The following NUMA1 variants were observed in gnomAD, a reference collection of about 807,000 sequenced individuals.
NUMA1 encodes nuclear mitotic apparatus protein 1.
NUMA1 carries 62 observed loss-of-function variants against 237.1 expected under a neutral mutation model. The observed-to-expected ratio is 0.26, with a 90% confidence interval of 0.21 to 0.32. The LOEUF (loss-of-function observed/expected upper bound fraction) is 0.32, where lower values mean the gene tolerates loss of function less well. Ranked by LOEUF, NUMA1 falls within the 10% of genes least tolerant of loss-of-function variation. NUMA1 has a pLI of 1.00. For synonymous variants in NUMA1, 1,028 were observed against 1,066.1 expected, an observed-to-expected ratio of 0.96 and a Z score of 0.70; for missense variants, 2,533 against 2,666.5, an observed-to-expected ratio of 0.95 and a Z score of 1.10.
Position 72,017,882 on chromosome 11 carries a change from C to A in NUMA1, c.979-55G>T, listed in dbSNP as rs911554848. The A allele has an allele frequency of 7.6e-5, 120 of 1,571,086 alleles. No homozygotes were observed. In the Middle Eastern group the frequency reaches 8.1e-4, roughly 11 times the overall value. ...CCCAGAGTCAACGCTGACCCCACCACTGCTGTCTGCTCCCAGAACCCCAGG... is the reference window on the plus strand; with the variant it reads ...CCCAGAGTCAACGCTGACCCCACCAATGCTGTCTGCTCCCAGAACCCCAGG... On this transcript the variant is annotated intron_variant, in intron 12 of 26. Coordinates refer to ENST00000393695, the MANE Select transcript of NUMA1 (RefSeq NM_006185.4).
rs1289328942 is a variant in NUMA1, at chr11:72,009,532, C to G, written c.4720-145G>C. 3 of 1,077,554 alleles carry G rather than the reference C, an allele frequency of 2.8e-6. No homozygotes were observed. The African/African-American group carries it at 4.8e-5, about 17-fold the overall frequency. 66.7% of individuals were successfully genotyped at this position (1,077,554 alleles called of 1,614,324 possible). ...AGAAAACCACACCACCCCAAATACTCTCTGCCCGACTACAGTCTACTAAAC... is the reference window on the plus strand; with the variant it reads ...AGAAAACCACACCACCCCAAATACTGTCTGCCCGACTACAGTCTACTAAAC... On this transcript the variant is annotated intron_variant, in intron 17 of 26. Coordinates refer to ENST00000393695, the MANE Select transcript of NUMA1 (RefSeq NM_006185.4).
At chr11:72,033,996 T>C (rs1940680028) in intron 3 of NUMA1, among the ~76,000 whole-genome samples, 2 of 152,308 alleles carry the variant, frequency 1.3e-5, no homozygotes, top group Middle Eastern at 6.8e-3. Context: ...ACCCCTGTGG[T>C]CCTAGCTACT....
chr11:72,013,942 C>T lies in NUMA1; in HGVS notation c.3561G>A (p.Ser1187=), dbSNP rs779956733. The T allele has an allele frequency of 3.8e-5, 61 of 1,613,730 alleles. 1 individual carries two copies. The South Asian group carries it at 4.4e-4, about 12-fold the overall frequency. The change falls in exon 15 of 27, where the codon TCG becomes TCA. Residue 1187 remains serine, a synonymous_variant. Transcript: ENST00000393695. The surrounding 1 kb of genome is among the most constrained non-coding windows in gnomAD (Gnocchi z 6.8). Reference sequence around the variant, plus strand: ...GGAAGGCAGCCAACTCCCGTTGGGCCGAGGCTAAGGCACTCTGACTGTGCC... The same window carrying T: ...GGAAGGCAGCCAACTCCCGTTGGGCTGAGGCTAAGGCACTCTGACTGTGCC... The part of the protein sequence containing the change: ...ELGHSQSALA[S]AQRELAAFRT...
At chr11:72,029,139 G>T in intron 4 of NUMA1, 66 bp downstream of exon 4, 1 of 1,185,684 alleles carries the variant, frequency 8.4e-7, no homozygotes. Context: ...AAGAGAACAA[G>T]TACAGCCCCC....
chr11:72,008,826 T>C lies in NUMA1; in HGVS notation c.5078A>G (p.Gln1693Arg), dbSNP rs1955937399. 2 of 1,614,012 alleles carry C rather than the reference T, an allele frequency of 1.2e-6. No homozygotes were observed. Among genetic ancestry groups the C allele is most frequent in the Non-Finnish European group, 1.7e-6 (2 of 1,180,036 alleles). Residue 1693 changes from glutamine (Q) to arginine (R), a missense_variant, in exon 20 of 27, where the codon CAG (glutamine) becomes CGG (arginine). Coordinates refer to ENST00000393695, the MANE Select transcript of NUMA1 (RefSeq NM_006185.4). Reference sequence around the variant, plus strand: ...CTGGAATTTGCCCAGGTCTCGAAGCTGCTGGTCTGCATGGGCAACCTGAGA... The same window carrying C: ...CTGGAATTTGCCCAGGTCTCGAAGCCGCTGGTCTGCATGGGCAACCTGAGA... The part of the protein sequence containing the change: ...LEAQVAHADQ[Q>R]LRDLGKFQVA...
At position 72,080,260 on chromosome 11, in the gene NUMA1, T is replaced by G. The variant is rs1281011721; in HGVS notation, c.-103+198A>C. On this transcript the variant is annotated intron_variant, in intron 1 of 26. Coordinates refer to ENST00000393695, the MANE Select transcript of NUMA1 (RefSeq NM_006185.4). ...ACGCCCCCAAACAGACCCTCCCCTT[T>G]AAGGCACCCCCCCCCCCCCCGGCTC... 7 of 78,962 alleles carry G rather than the reference T, an allele frequency of 8.9e-5. No homozygotes were observed. In the South Asian group the frequency reaches 3.9e-3, roughly 44 times the overall value. The allele number at this position is 78,962 out of a possible 1,614,324, so 4.9% of individuals were successfully genotyped here.
At chr11:72,054,244 T>A (rs1942515994) in intron 2 of NUMA1, among the ~76,000 whole-genome samples, 1 of 152,050 alleles carries the variant, frequency 6.6e-6, no homozygotes, top group Admixed American at 6.6e-5. Flanking sequence ...GGCAGGTGGA[T>A]CGCTTGAGGC....
At position 72,008,703 on chromosome 11, in the gene NUMA1, G is replaced by A; in HGVS notation, c.5201C>T (p.Pro1734Leu). 6.2e-7 allele frequency: 1 copy of A among 1,614,140 alleles called. No individual in the cohort carries two copies. The highest frequency in any genetic ancestry group is 8.5e-7 in the Non-Finnish European group (1 of 1,180,042). Residue 1734 changes from proline to leucine, a missense_variant, in exon 20 of 27, where the codon CCA becomes CTA. Coordinates refer to ENST00000393695, the MANE Select transcript of NUMA1 (RefSeq NM_006185.4). ...GCCTCCTGACCTGGTGATACTGAGTGGGGTCCCCTCCTCGCAGCTCAGATC... is the reference window on the plus strand; with the variant it reads ...GCCTCCTGACCTGGTGATACTGAGTAGGGTCCCCTCCTCGCAGCTCAGATC... ...SLDLSCEEGT[P>L]LSITSKLPRT...
intron 1 of NUMA1, among the ~76,000 whole-genome samples, chr11:72,072,964 G>A (rs532122265): frequency 4.3e-4 from 65 of 150,546 alleles, no homozygotes; most frequent in East Asian, 4.1e-3. Context: ...GGAGAATGGC[G>A]TGAACCTGGG....
chr11:72,042,883 T>C (rs965569362), intron 2 of NUMA1, among the ~76,000 whole-genome samples: 3 of 151,994 alleles, frequency 2.0e-5, no homozygotes, highest in African/African-American at 7.3e-5. Context: ...TCCCAGCACT[T>C]TGGGTGGACC....
intron 1 of NUMA1, among the ~76,000 whole-genome samples, chr11:72,077,352 T>C (rs1009008934): frequency 1.1e-4 from 16 of 152,028 alleles, no homozygotes; most frequent in African/African-American, 3.6e-4. Context: ...GCAAAGAAGA[T>C]CTTAAAAACA....
At chr11:72,063,954 A>C (rs1266780359) in intron 2 of NUMA1, among the ~76,000 whole-genome samples, 1 of 137,126 alleles carries the variant, frequency 7.3e-6, no homozygotes. Context: ...AAAAAGAATT[A>C]AAAAAAAAAA....
At chr11:72,026,615 C>T (rs1403852791) in intron 4 of NUMA1, among the ~76,000 whole-genome samples, 1 of 152,162 alleles carries the variant, frequency 6.6e-6, no homozygotes, top group African/African-American at 2.4e-5. Flanking sequence ...AGTGGCCAAG[C>T]AGTTAAACCC....
In NUMA1 at chr11:72,003,931, C is replaced by T. The variant is rs771964401; in HGVS notation, c.6292G>A (p.Ala2098Thr). The T allele has an allele frequency of 4.1e-5, 66 of 1,613,048 alleles. 2 individuals are homozygous for T. In the South Asian group the frequency reaches 5.4e-4, roughly 13 times the overall value. Residue 2098 changes from alanine to threonine, a missense_variant, in exon 26 of 27, where the codon GCC (alanine) becomes ACC (threonine). Ala to Thr is a moderately conservative substitution (Grantham distance 58, BLOSUM62 0). Around this residue, in one of 3 missense-constraint regions of NUMA1, gnomAD observed 795 missense variants for 750.8 expected, o/e 1.06. Transcript: ENST00000393695. ...GTGGCACCAATGGCGGCAGCAGTGG[C>T]GGCGCTGGCTGTGGTGGTGGCAATG... is the stretch of plus-strand genomic sequence containing the variant. ...PRIATTTASA[A>T]TAAAIGATPR...
chr11:72,022,266 C>T, intron 7 of NUMA1, 73 bp downstream of exon 7: 1 of 963,002 alleles, frequency 1.0e-6, no homozygotes, highest in Non-Finnish European at 1.6e-6. Flanking sequence ...ATCTGCTGTT[C>T]AAAGAAAAAC....
chr11:72,069,541 G>A (rs1943353744), intron 2 of NUMA1, among the ~76,000 whole-genome samples: 1 of 152,142 alleles, frequency 6.6e-6, no homozygotes, highest in African/African-American at 2.4e-5. Flanking sequence ...TAAAAACCAG[G>A]ACTTCTCTGC....
At chr11:72,038,871 C>A (rs973067300) in intron 2 of NUMA1, among the ~76,000 whole-genome samples, 2 of 152,088 alleles carry the variant, frequency 1.3e-5, no homozygotes, top group South Asian at 4.2e-4. Flanking sequence ...CTACCTGATT[C>A]TCTGAGAAAG....
At chr11:72,007,493 G>C in intron 20 of NUMA1, 58 bp from the exon 21 acceptor site, 1 of 1,590,590 alleles carries the variant, frequency 6.3e-7, no homozygotes, top group Non-Finnish European at 8.5e-7. Flanking sequence ...ATTTTGTCCA[G>C]CCCTTTTTGA....
At chr11:72,043,805 T>C (rs2135916317) in intron 2 of NUMA1, among the ~76,000 whole-genome samples, 1 of 152,240 alleles carries the variant, frequency 6.6e-6, no homozygotes, top group Non-Finnish European at 1.5e-5. Context: ...CAAATTAGTG[T>C]CTTTTTTAGT....
Sources: allele counts gnomAD v4.1 joint callset (sites outside exome capture counted in the v4.1 genomes callset), GRCh38; gene constraint gnomAD v4.1.1; regional missense constraint gnomAD v4.1.1; non-coding constraint Gnocchi (gnomAD v3.1); transcripts MANE v1.5; gene names NCBI Gene and HGNC (gene_info 2026-07-23, HGNC 2026-07-21).